The following CA8 variants were observed in gnomAD, a reference collection of about 807,000 sequenced individuals.
CA8 encodes the protein carbonic anhydrase 8 (inactive).
A neutral mutation model predicts 41.4 loss-of-function variants in CA8; 22 were observed. That is an observed-to-expected ratio of 0.53 (90% CI 0.38 to 0.76). The LOEUF is 0.76. CA8 is among the 30% of genes least tolerant of loss of function. The pLI is 0.00. For missense variants in CA8, 270 were observed against 352.8 expected (o/e 0.77, Z 1.88); for synonymous variants, 121 against 130.6 (o/e 0.93, Z 0.50).
chr8:60,219,189 C>T (rs1807144133), intron 7 of CA8, among the ~76,000 whole-genome samples: 2 of 149,382 alleles, frequency 1.3e-5, no homozygotes, highest in East Asian at 2.0e-4. Context: ...GACGGAGTCT[C>T]GCTCTGTTGC....
chr8:60,208,723 C>G, intron 8 of CA8, 27 bp downstream of exon 8: 1 of 1,601,300 alleles, frequency 6.2e-7, no homozygotes, highest in Non-Finnish European at 8.6e-7. Flanking sequence ...CTGTGCACCT[C>G]ATTTTCCTTA....
intron 3 of CA8, among the ~76,000 whole-genome samples, chr8:60,234,418 A>G (rs1807760753): frequency 1.3e-5 from 2 of 152,230 alleles, no homozygotes. Flanking sequence ...GTAACATATC[A>G]GTATTGGTCC....
chr8:60,253,645 C>A (rs1182568422), intron 3 of CA8, among the ~76,000 whole-genome samples: 4 of 152,138 alleles, frequency 2.6e-5, no homozygotes, highest in Non-Finnish European at 5.9e-5. Flanking sequence ...AGGAGTTAGG[C>A]CCTCCTCAAC....
intron 3 of CA8, among the ~76,000 whole-genome samples, chr8:60,247,868 A>G (rs529721836): frequency 1.3e-5 from 2 of 152,174 alleles, no homozygotes; most frequent in Non-Finnish European, 2.9e-5. Context: ...TACATTCACA[A>G]CAACAGCATA....
chr8:60,212,176 C>A (rs997952075), intron 7 of CA8, among the ~76,000 whole-genome samples: 1 of 152,180 alleles, frequency 6.6e-6, no homozygotes. Context: ...TCCAATTGGT[C>A]TAAGACATTT....
chr8:60,195,021 A>T (rs1211561309), intron 8 of CA8, among the ~76,000 whole-genome samples: 2 of 152,224 alleles, frequency 1.3e-5, no homozygotes, highest in Non-Finnish European at 2.9e-5. Context: ...CAGAATACAA[A>T]TTTATTTGGT....
chr8:60,246,828 T>G (rs895037370), intron 3 of CA8, among the ~76,000 whole-genome samples: 1 of 150,220 alleles, frequency 6.7e-6, no homozygotes, highest in East Asian at 1.9e-4. Context: ...TTTAAAAGGA[T>G]AGAAAGTGTA....
At chr8:60,233,699 G>A (rs1014107703) in intron 3 of CA8, among the ~76,000 whole-genome samples, 2 of 152,176 alleles carry the variant, frequency 1.3e-5, no homozygotes. Context: ...CACCAACAAA[G>A]AAGGTCTAGG....
chr8:60,262,159 C>A (rs552449740), intron 3 of CA8, among the ~76,000 whole-genome samples: 2 of 152,194 alleles, frequency 1.3e-5, no homozygotes, highest in South Asian at 4.1e-4. Context: ...TACTTTGAAG[C>A]AGCAAAGATG....
chr8:60,229,150 T>A (rs1807548045), intron 4 of CA8, among the ~76,000 whole-genome samples: 1 of 135,066 alleles, frequency 7.4e-6, no homozygotes, highest in African/African-American at 2.9e-5. Flanking sequence ...ATCTCAGCCC[T>A]GAACCACCTG....
intron 8 of CA8, among the ~76,000 whole-genome samples, chr8:60,190,865 T>C (rs1199824105): frequency 6.7e-6 from 1 of 150,064 alleles, no homozygotes; most frequent in African/African-American, 2.5e-5. Context: ...ATAAATTATA[T>C]TACTATGCAG....
intron 3 of CA8, among the ~76,000 whole-genome samples, chr8:60,246,916 C>T (rs1285534432): frequency 8.9e-6 from 1 of 111,914 alleles, no homozygotes; most frequent in Non-Finnish European, 1.7e-5. Context: ...TGGAGTCTTG[C>T]TCTGTCCCCC....
intron 3 of CA8, among the ~76,000 whole-genome samples, chr8:60,248,577 T>C (rs1287697655): frequency 2.0e-5 from 3 of 152,214 alleles, no homozygotes; most frequent in Non-Finnish European, 4.4e-5. Flanking sequence ...TGTGGTGTTA[T>C]TTCTGAGATC....
chr8:60,219,943 A>AAAAAAAAAAAAAAAAAAC, intron 7 of CA8, among the ~76,000 whole-genome samples: 1 of 141,422 alleles, frequency 7.1e-6, no homozygotes. Flanking sequence ...AAAAAAAAAA[A>AAAAAAAAAAAAAAAAAAC]AAAAAAAAAA....
At position 60,208,774 on chromosome 8, in the gene CA8, G is replaced by C. The variant is rs776556904; in HGVS notation, c.*11C>G. The stretch of plus-strand genomic sequence containing the variant: ...CCCTCATGAAGACAGACTTGTTCCT[G>C]TCCTCTTTGGCTACTGAAATGCAGC... On this transcript the variant is annotated 3_prime_UTR_variant, in exon 8 of 9. Coordinates refer to ENST00000317995, the MANE Select transcript of CA8 (RefSeq NM_004056.6). 1 of 1,613,970 alleles carries C rather than the reference G, an allele frequency of 6.2e-7. No homozygotes were observed. Among genetic ancestry groups the C allele is most frequent in the Non-Finnish European group, 8.5e-7 (1 of 1,180,004 alleles).
intron 4 of CA8, among the ~76,000 whole-genome samples, chr8:60,230,127 G>A (rs893567321): frequency 1.3e-5 from 2 of 152,140 alleles, no homozygotes; most frequent in African/African-American, 4.8e-5. Flanking sequence ...GATAATGAAG[G>A]TTGTCAGGCA....
At chr8:60,217,073 AG>A (rs754221743) in intron 7 of CA8, among the ~76,000 whole-genome samples, 9 of 152,052 alleles carry the variant, frequency 5.9e-5, no homozygotes, top group Non-Finnish European at 8.8e-5. Context: ...TAGTAGAGAC[AG>A]GGTTTCACCG....
At chr8:60,199,686 G>A (rs10957121) in intron 8 of CA8, among the ~76,000 whole-genome samples, 3,598 of 152,096 alleles carry the variant, frequency 0.024, 63 homozygotes, top group Non-Finnish European at 0.038. Flanking sequence ...TTCAGATTCT[G>A]GGCATTATCT....
chr8:60,243,587 A>C (rs573763692), intron 3 of CA8, among the ~76,000 whole-genome samples: 1 of 152,212 alleles, frequency 6.6e-6, no homozygotes, highest in African/African-American at 2.4e-5. Context: ...CCATCAGTTT[A>C]GTGAAACTGC....
Sources: allele counts gnomAD v4.1 joint callset (sites outside exome capture counted in the v4.1 genomes callset), GRCh38; gene constraint gnomAD v4.1.1; transcripts MANE v1.5; gene names NCBI Gene and HGNC (gene_info 2026-07-23, HGNC 2026-07-21).